DCP2: variants seen among roughly 807,000 people sequenced by gnomAD.
DCP2 encodes the protein m7GpppN-mRNA hydrolase.
A neutral mutation model predicts 56.1 loss-of-function variants in DCP2; 30 were observed. That is an observed-to-expected ratio of 0.53 (90% CI 0.40 to 0.73). The LOEUF is 0.73. Ranked by LOEUF, DCP2 falls within the 30% of genes least tolerant of loss-of-function variation. The pLI, the probability that DCP2 is intolerant of heterozygous loss-of-function variation, is 0.00. For synonymous variants in DCP2, 197 were observed against 163.3 expected, an observed-to-expected ratio of 1.21 and a Z score of -1.57; for missense variants, 533 against 502.7, an observed-to-expected ratio of 1.06 and a Z score of -0.58.
intron 9 of DCP2, among the ~76,000 whole-genome samples, chr5:113,009,854 A>G (rs1749601051): frequency 2.0e-5 from 3 of 152,128 alleles, no homozygotes; most frequent in African/African-American, 7.2e-5. Flanking sequence ...TTCATAGGAA[A>G]TCAGCTAGAA....
At chr5:112,999,956 G>A (rs566064732) in intron 4 of DCP2, among the ~76,000 whole-genome samples, 51 of 151,128 alleles carry the variant, frequency 3.4e-4, no homozygotes, top group African/African-American at 1.2e-3. Flanking sequence ...AGCTGCTCAG[G>A]AGGCTGAGGC....
intron 1 of DCP2, among the ~76,000 whole-genome samples, chr5:112,982,491 G>T (rs1028308533): frequency 3.9e-5 from 6 of 152,130 alleles, no homozygotes; most frequent in Non-Finnish European, 8.8e-5. Context: ...CTTTGAGGGG[G>T]TTCATTAGGA....
At chr5:113,005,659 C>G (rs1370737747) in intron 8 of DCP2, among the ~76,000 whole-genome samples, 1 of 152,086 alleles carries the variant, frequency 6.6e-6, no homozygotes, top group East Asian at 1.9e-4. Flanking sequence ...TAGGTAATAT[C>G]CAAAAGAATT....
At chr5:113,000,800 C>T (rs906385030) in intron 4 of DCP2, among the ~76,000 whole-genome samples, 3 of 152,148 alleles carry the variant, frequency 2.0e-5, no homozygotes, top group Non-Finnish European at 4.4e-5. Flanking sequence ...GAATTTTATT[C>T]TGGGAAAGAT....
chr5:112,992,094 A>C, intron 2 of DCP2, 27 bp from the exon 3 acceptor site: 2 of 1,610,054 alleles, frequency 1.2e-6, no homozygotes, highest in Non-Finnish European at 8.5e-7. Flanking sequence ...TTAAAGGAGA[A>C]AGTAACTTCC....
rs1388947753 is a variant in DCP2, at chr5:113,018,877, C to A, written c.*5393C>A. ...ACTTGCAAGCAGTGATTTTATCTTT[C>A]CTTCCTGAGAAGGTGATCTCACTTT... On this transcript the variant is annotated 3_prime_UTR_variant, in exon 11 of 11. Transcript: ENST00000389063. The A allele has an allele frequency of 6.6e-6, 1 of 152,132 alleles. No individual in the cohort carries two copies. Among genetic ancestry groups the A allele is most frequent in the Non-Finnish European group, 1.5e-5 (1 of 68,030 alleles). 9.4% of individuals were successfully genotyped at this position (152,132 alleles called of 1,614,324 possible).
intron 8 of DCP2, among the ~76,000 whole-genome samples, chr5:113,006,697 TCAAA>T (rs1749453061): frequency 1.3e-5 from 2 of 152,202 alleles, no homozygotes; most frequent in African/African-American, 2.4e-5. Flanking sequence ...TTTCAATATC[TCAAA>T]CAACAAATTA....
At chr5:112,985,800 A>G (rs751955302) in intron 1 of DCP2, 35 bp from the exon 2 acceptor site, 1 of 1,590,606 alleles carries the variant, frequency 6.3e-7, no homozygotes, top group Non-Finnish European at 8.6e-7. Flanking sequence ...TATAGTTTGT[A>G]AATGTAATTT....
At chr5:113,001,988 A>G (rs1035002114) in intron 7 of DCP2, among the ~76,000 whole-genome samples, 2 of 152,344 alleles carry the variant, frequency 1.3e-5, no homozygotes, top group East Asian at 1.9e-4. Flanking sequence ...CTCTGTTGTC[A>G]TATCCTACTT....
In DCP2 at chr5:113,001,552, T is replaced by C; in HGVS notation, c.699-15T>C. The C allele has an allele frequency of 6.2e-7, 1 of 1,613,228 alleles. No individual in the cohort carries two copies. On this transcript the variant is annotated splice_polypyrimidine_tract_variant and intron_variant, in intron 6 of 10. Transcript: ENST00000389063. ...GTAGCCATATTTTGAAAGTGAATTC[T>C]TAATGTTTCTGCAGACCATTAAGGG...
At chr5:112,994,078 C>T (rs555299989) in intron 4 of DCP2, among the ~76,000 whole-genome samples, 3 of 150,368 alleles carry the variant, frequency 2.0e-5, no homozygotes, top group East Asian at 2.0e-4. Context: ...ATTAGAGACA[C>T]GAGCCACCGT....
intron 8 of DCP2, among the ~76,000 whole-genome samples, chr5:113,004,391 C>T (rs1433757261): frequency 6.6e-6 from 1 of 152,146 alleles, no homozygotes; most frequent in East Asian, 1.9e-4. Flanking sequence ...GGCTTTTGTT[C>T]AGGAAGAAAA....
chr5:112,986,540 G>T (rs995012150), intron 2 of DCP2, among the ~76,000 whole-genome samples: 10 of 151,890 alleles, frequency 6.6e-5, no homozygotes, highest in African/African-American at 2.4e-4. Context: ...GTCTCTCTTT[G>T]TTGCTGAGGC....
intron 2 of DCP2, among the ~76,000 whole-genome samples, chr5:112,989,041 A>G (rs948471284): frequency 1.3e-5 from 2 of 152,214 alleles, no homozygotes; most frequent in African/African-American, 4.8e-5. Context: ...TCATTAAGTA[A>G]CTTCATGGTT....
intron 1 of DCP2, among the ~76,000 whole-genome samples, chr5:112,983,037 G>C (rs966908967): frequency 6.6e-6 from 1 of 152,172 alleles, no homozygotes; most frequent in Non-Finnish European, 1.5e-5. Flanking sequence ...GTGGTTATCA[G>C]TGTTGATTAA....
chr5:113,008,106 T>G, intron 9 of DCP2, 64 bp downstream of exon 9: 1 of 1,323,318 alleles, frequency 7.6e-7, no homozygotes, highest in Non-Finnish European at 1.1e-6. Flanking sequence ...ACAAGGGCAT[T>G]GCCAAAGCAC....
chr5:112,991,742 A>T (rs1748601716), intron 2 of DCP2, among the ~76,000 whole-genome samples: 1 of 152,180 alleles, frequency 6.6e-6, no homozygotes, highest in African/African-American at 2.4e-5. Flanking sequence ...ATATATAACT[A>T]CCTGGCATTA....
chr5:112,985,794 G>C, intron 1 of DCP2, 41 bp from the exon 2 acceptor site: 1 of 1,587,674 alleles, frequency 6.3e-7, no homozygotes, highest in Non-Finnish European at 8.6e-7. Flanking sequence ...AATCGTTATA[G>C]TTTGTAAATG....
Position 113,019,996 on chromosome 5 carries a change from AAAG to A in DCP2, c.*6517_*6519del, listed in dbSNP as rs1467173580. The A allele has an allele frequency of 6.6e-6, 1 of 152,220 alleles. No individual in the cohort carries two copies. The highest frequency in any genetic ancestry group is 2.4e-5 in the African/African-American group (1 of 41,464). The allele number at this position is 152,220 out of a possible 1,614,324, so 9.4% of individuals were successfully genotyped here. On this transcript the variant is annotated 3_prime_UTR_variant, in exon 11 of 11. Coordinates refer to ENST00000389063, the MANE Select transcript of DCP2 (RefSeq NM_152624.6). ...CTTTTTAATACTGTGCCTATTTCCA[AAAG>A]AAGACTTGATGTGGCTTTTTACATT...
Sources: allele counts gnomAD v4.1 joint callset (sites outside exome capture counted in the v4.1 genomes callset), GRCh38; gene constraint gnomAD v4.1.1; transcripts MANE v1.5; gene names NCBI Gene and HGNC (gene_info 2026-07-23, HGNC 2026-07-21).